C9orf85: variants seen among roughly 807,000 people sequenced by gnomAD.
C9orf85 encodes the protein uncharacterized protein C9orf85.
In C9orf85, 16 loss-of-function variants were observed where a neutral mutation model predicts 14.9. The ratio of observed to expected loss-of-function variants is 1.08; its 90% CI spans 0.73 to 1.63. C9orf85 has a LOEUF of 1.63. C9orf85 is among the 40% of genes most tolerant of loss of function. The pLI, the probability that C9orf85 is intolerant of heterozygous loss-of-function variation, is 0.00. For missense variants in C9orf85, 172 were observed against 186.1 expected (o/e 0.92, Z 0.44); for synonymous variants, 45 against 56.8 (o/e 0.79, Z 0.93).
chr9:71,924,486 G>A (rs1191779693), intron 1 of C9orf85, among the ~76,000 whole-genome samples: 1 of 152,118 alleles, frequency 6.6e-6, no homozygotes, highest in African/African-American at 2.4e-5. Context: ...ATGGAGTTAT[G>A]TATATGTAAT....
intron 1 of C9orf85, among the ~76,000 whole-genome samples, chr9:71,917,872 GCAAACAAA>G (rs1041054343): frequency 3.5e-4 from 54 of 152,198 alleles, no homozygotes; most frequent in African/African-American, 1.2e-3. Context: ...TCAAAAATAG[GCAAACAAA>G]CAAACAAAGA....
downstream of C9orf85, among the ~76,000 whole-genome samples, chr9:71,975,726 G>A (rs564566283): frequency 7.2e-5 from 11 of 152,138 alleles, no homozygotes; most frequent in East Asian, 1.9e-4. Flanking sequence ...CAGCTAGTCC[G>A]GAGGCTGAGG....
chr9:71,953,214 AATAG>A (rs1173444222), intron 2 of C9orf85, among the ~76,000 whole-genome samples: 1 of 152,306 alleles, frequency 6.6e-6, no homozygotes, highest in East Asian at 1.9e-4. Flanking sequence ...CTCTGTACCG[AATAG>A]ATAGATACTC....
intron 1 of C9orf85, among the ~76,000 whole-genome samples, chr9:71,923,172 A>G (rs1827856130): frequency 6.6e-6 from 1 of 152,334 alleles, no homozygotes; most frequent in Non-Finnish European, 1.5e-5. Context: ...CATATCCCTC[A>G]GATAATATTT....
chr9:71,956,563 A>G (rs1367956239), intron 2 of C9orf85, among the ~76,000 whole-genome samples: 1 of 152,060 alleles, frequency 6.6e-6, no homozygotes, highest in Non-Finnish European at 1.5e-5. Context: ...AAAGCTTTAT[A>G]TTTTATAATA....
intron 1 of C9orf85, among the ~76,000 whole-genome samples, chr9:71,943,292 C>T (rs10123127): frequency 0.95 from 144,704 of 152,096 alleles, 69,194 homozygotes; most frequent in East Asian, 1. Flanking sequence ...GAGGAGTAAA[C>T]AGGCCTTTGT....
At position 71,959,326 on chromosome 9, in the gene C9orf85, A is replaced by C. The variant is rs888430755; in HGVS notation, c.210-12179A>C. The stretch of plus-strand genomic sequence containing the variant: ...CTAATTTTGTATTTTTAGTAGAGAC[A>C]GGGTTTCTCCATGTTGGTCAGGCTG... On this transcript the variant is annotated intron_variant, in intron 2 of 3. Coordinates refer to ENST00000334731, the MANE Select transcript of C9orf85 (RefSeq NM_182505.5). Among the ~76,000 whole-genome samples the C allele has an allele frequency of 6.6e-5, 10 of 151,908 alleles. No homozygotes were observed. The East Asian group carries it at 1.9e-3, about 29-fold the overall frequency.
chr9:71,951,513 T>C (rs370727111), intron 2 of C9orf85, among the ~76,000 whole-genome samples: 1 of 152,318 alleles, frequency 6.6e-6, no homozygotes, highest in East Asian at 1.9e-4. Flanking sequence ...AAGATCCTCC[T>C]ACCCATTTCT....
intron 3 of C9orf85, among the ~76,000 whole-genome samples, chr9:71,980,568 C>T (rs933014365): frequency 2.0e-5 from 3 of 152,156 alleles, no homozygotes; most frequent in Non-Finnish European, 2.9e-5. Flanking sequence ...ATATTATTTA[C>T]ACTTCCCAAC....
chr9:71,953,482 G>A (rs1344003420), intron 2 of C9orf85, among the ~76,000 whole-genome samples: 1 of 152,152 alleles, frequency 6.6e-6, no homozygotes. Context: ...CTTGGAACCA[G>A]CATTACTCTA....
chr9:71,963,112 G>A (rs1349329833), intron 2 of C9orf85, among the ~76,000 whole-genome samples: 3 of 152,068 alleles, frequency 2.0e-5, no homozygotes, highest in African/African-American at 4.8e-5. Flanking sequence ...AATCTTAAGC[G>A]TTTTTTGTTT....
intron 1 of C9orf85, among the ~76,000 whole-genome samples, chr9:71,916,733 G>A (rs1827661813): frequency 6.6e-6 from 1 of 152,018 alleles, no homozygotes; most frequent in Non-Finnish European, 1.5e-5. Flanking sequence ...TTCAGATTTT[G>A]GAATATTTAC....
chr9:71,963,278 G>A (rs895280655), intron 2 of C9orf85, among the ~76,000 whole-genome samples: 3 of 152,102 alleles, frequency 2.0e-5, no homozygotes, highest in African/African-American at 4.8e-5. Flanking sequence ...CATTGTTACC[G>A]GGGGATCCTT....
downstream of C9orf85, chr9:71,985,040 A>G (rs1479887333): frequency 4.6e-5 from 7 of 152,180 alleles, no homozygotes; most frequent in Non-Finnish European, 1.0e-4. Flanking sequence ...CCTGTTTCCC[A>G]TCTCTCTTGT....
intron 2 of C9orf85, among the ~76,000 whole-genome samples, chr9:71,956,583 C>T (rs988246755): frequency 4.6e-5 from 7 of 151,990 alleles, no homozygotes; most frequent in Admixed American, 3.3e-4. Flanking sequence ...ACAGTTTTAG[C>T]GTCCCAAATT....
At chr9:71,938,952 A>C (rs1385470662) in intron 1 of C9orf85, among the ~76,000 whole-genome samples, 1 of 151,832 alleles carries the variant, frequency 6.6e-6, no homozygotes, top group Non-Finnish European at 1.5e-5. Flanking sequence ...ATATGGAAAA[A>C]TGAATGTTAT....
At chr9:71,935,202 G>A (rs1178842888) in intron 1 of C9orf85, among the ~76,000 whole-genome samples, 1 of 152,082 alleles carries the variant, frequency 6.6e-6, no homozygotes, top group African/African-American at 2.4e-5. Context: ...TAACAGCATG[G>A]TGGCTACTCA....
intron 2 of C9orf85, among the ~76,000 whole-genome samples, chr9:71,948,493 A>AC (rs918806414): frequency 6.0e-5 from 9 of 151,054 alleles, no homozygotes; most frequent in Non-Finnish European, 1.2e-4. Flanking sequence ...GGTATAGTTG[A>AC]CCCCCCTTTT....
intron 2 of C9orf85, among the ~76,000 whole-genome samples, chr9:71,960,298 GT>G (rs1266503884): frequency 6.6e-6 from 1 of 152,104 alleles, no homozygotes; most frequent in Non-Finnish European, 1.5e-5. Context: ...TATATGTCCT[GT>G]TTTTTTGTTC....
Sources: gnomAD v4.1 joint callset for allele counts (sites outside exome capture counted in the v4.1 genomes callset) on GRCh38, gnomAD v4.1.1 for gene constraint, MANE v1.5 for transcripts, NCBI Gene and HGNC (gene_info 2026-07-23, HGNC 2026-07-21) for gene names.